Variants in SPTBN1 observed in about 807,000 individuals in gnomAD.
SPTBN1 encodes spectrin beta chain, non-erythrocytic 1.
In SPTBN1, 32 loss-of-function variants were observed where a neutral mutation model predicts 266.4. That is an observed-to-expected ratio of 0.12 (90% CI 0.09 to 0.16). The LOEUF (loss-of-function observed/expected upper bound fraction) is 0.16, where lower values mean the gene tolerates loss of function less well. Ranked by LOEUF, SPTBN1 falls within the 10% of genes least tolerant of loss-of-function variation. The pLI is 1.00. For synonymous variants in SPTBN1, 1,336 were observed against 1,162.2 expected (o/e 1.15, Z -3.04); for missense variants, 2,296 against 3,067.1 (o/e 0.75, Z 5.94).
intron 2 of SPTBN1, among the ~76,000 whole-genome samples, chr2:54,579,289 G>C (rs1674707968): frequency 6.6e-6 from 1 of 152,108 alleles, no homozygotes; most frequent in East Asian, 1.9e-4. Context: ...GCATCCCTCA[G>C]GTATGAGAAT....
At position 54,646,497 on chromosome 2, in the gene SPTBN1, C is replaced by T. The variant is rs1477878602; in HGVS notation, c.4866+22C>T. The T allele has an allele frequency of 2.0e-6, 3 of 1,478,298 alleles. No individual in the cohort carries two copies. The highest frequency in any genetic ancestry group is 4.7e-5 in the East Asian group (2 of 42,358). 91.6% of individuals were successfully genotyped at this position (1,478,298 alleles called of 1,614,324 possible). A position where few individuals can be genotyped will look rare whatever the true frequency, so the allele number is the denominator to read the frequency against. On this transcript the variant is annotated intron_variant, in intron 23 of 35. Transcript: ENST00000356805. This position sits in a 1 kb window ranked among gnomAD's most constrained non-coding sequence, Gnocchi z 4.4. ...CAAGGTGAGAGGAGGCGGGAAGCAT[C>T]CCTGTCCCAGGAGAGCCTCAGATTC...
rs1558770807 is a variant in SPTBN1, at chr2:54,487,830, G to GTTTTTTTTTTTTTTTTTTT, written c.-48+31313_-48+31314insTTTTTTTTTTTTTTTTTTT. ...AATTCACTTGATGGTCTCCTCCTGTGTCTTTTTTTTTTTTTTTGAGACGGA... is the reference window on the plus strand; with the variant it reads ...AATTCACTTGATGGTCTCCTCCTGTGTTTTTTTTTTTTTTTTTTTTCTTTTTTTTTTTTTTTGAGACGGA... On this transcript the variant is annotated intron_variant, in intron 1 of 35. Coordinates refer to ENST00000356805, the MANE Select transcript of SPTBN1 (RefSeq NM_003128.3). Among the ~76,000 whole-genome samples, 30 of 5,924 alleles carry GTTTTTTTTTTTTTTTTTTT rather than the reference G, an allele frequency of 5.1e-3. 2 individuals carry two copies. The highest frequency in any genetic ancestry group is 0.018 in the South Asian group (2 of 110). 3.9% of individuals were successfully genotyped at this position (5,924 alleles called of 152,430 possible). A position where few individuals can be genotyped will look rare whatever the true frequency, so the allele number is the denominator to read the frequency against.
At position 54,578,749 on chromosome 2, in the gene SPTBN1, GGTGT is replaced by G. The variant is rs34536803; in HGVS notation, c.149-20317_149-20314del. 3.8e-3 allele frequency among the ~76,000 whole-genome samples: 565 copies of G among 147,590 alleles called. 6 individuals carry two copies. The South Asian group carries it at 0.042, about 11-fold the overall frequency. ...GGCCTAGGCAAGTGTCTTCTGATGGGGTGTGTGTGTGTGTGTGTGTGTGTGTGTG... is the reference window on the plus strand; with the variant it reads ...GGCCTAGGCAAGTGTCTTCTGATGGGGTGTGTGTGTGTGTGTGTGTGTGTG... On this transcript the variant is annotated intron_variant, in intron 2 of 35. Coordinates refer to ENST00000356805, the MANE Select transcript of SPTBN1 (RefSeq NM_003128.3).
intron 29 of SPTBN1, among the ~76,000 whole-genome samples, chr2:54,656,732 G>T (rs1361149058): frequency 6.6e-6 from 1 of 152,170 alleles, no homozygotes; most frequent in Non-Finnish European, 1.5e-5. Context: ...TGAGAGGTTT[G>T]ACGGCACACT....
rs540020484 is a variant in SPTBN1, at chr2:54,658,848, A to G, written c.6244-306A>G. On this transcript the variant is annotated intron_variant, in intron 30 of 35. Transcript: ENST00000356805. ...CCAGCATGAACCCTCAGGCTCAGGTACTTTTCTCCTCAGCAGAGTTGAGAG... is the reference window on the plus strand; with the variant it reads ...CCAGCATGAACCCTCAGGCTCAGGTGCTTTTCTCCTCAGCAGAGTTGAGAG... 5.9e-5 allele frequency among the ~76,000 whole-genome samples: 9 copies of G among 152,264 alleles called. No individual in the cohort carries two copies. In the South Asian group the frequency reaches 1.9e-3, roughly 32 times the overall value.
intron 2 of SPTBN1, among the ~76,000 whole-genome samples, chr2:54,578,632 C>T (rs1674653826): frequency 6.6e-6 from 1 of 152,110 alleles, no homozygotes; most frequent in Non-Finnish European, 1.5e-5. Flanking sequence ...TGATTTTGTT[C>T]CCATTCATTA....
rs1460705419 is a variant in SPTBN1, at chr2:54,533,931, C to T, written c.148+7365C>T. On this transcript the variant is annotated intron_variant, in intron 2 of 35. Transcript: ENST00000356805. This position sits in a 1 kb window ranked among gnomAD's most constrained non-coding sequence, Gnocchi z 4.2. ...ACACACACACACACACACACACGCA[C>T]GCACGCACACAAACACACACACCCC... Among the ~76,000 whole-genome samples the T allele has an allele frequency of 5.4e-5, 8 of 149,126 alleles. No homozygotes were observed. The highest frequency in any genetic ancestry group is 2.4e-4 in the East Asian group (1 of 4,166).
intron 26 of SPTBN1, among the ~76,000 whole-genome samples, chr2:54,652,199 A>ATG (rs1277169837): frequency 6.6e-6 from 1 of 152,320 alleles, no homozygotes; most frequent in African/African-American, 2.4e-5. Context: ...GGCACTACTG[A>ATG]TGTTACATAC....
At chr2:54,522,677 A>AGAGAGG (rs1553439421) in intron 1 of SPTBN1, among the ~76,000 whole-genome samples, 98 of 67,300 alleles carry the variant, frequency 1.5e-3, no homozygotes, top group Admixed American at 2.5e-3. Flanking sequence ...AGAGAGAGAG[A>AGAGAGG]GGAGAGAGAG....
chr2:54,476,688 A>T (rs1297373053), intron 1 of SPTBN1, among the ~76,000 whole-genome samples: 2 of 152,156 alleles, frequency 1.3e-5, no homozygotes, highest in Non-Finnish European at 2.9e-5. Flanking sequence ...AATTTGTCTA[A>T]CTTGTTCTCA....
chr2:54,648,715 G>A (rs543024757), intron 24 of SPTBN1, among the ~76,000 whole-genome samples: 37 of 152,308 alleles, frequency 2.4e-4, no homozygotes, highest in African/African-American at 7.9e-4. Context: ...CACTGCAGCA[G>A]AATGAGGCAC....
chr2:54,542,876 G>A (rs961508327), intron 2 of SPTBN1, among the ~76,000 whole-genome samples: 6 of 152,202 alleles, frequency 3.9e-5, no homozygotes, highest in African/African-American at 1.4e-4. Context: ...AGGGTCGTGA[G>A]GTATTTTGGT....
chr2:54,459,759 C>T (rs1252225281), intron 1 of SPTBN1, among the ~76,000 whole-genome samples: 1 of 152,142 alleles, frequency 6.6e-6, no homozygotes, highest in Non-Finnish European at 1.5e-5. Context: ...GGGCTAACTA[C>T]CCCTGTTAGA....
At position 54,647,150 on chromosome 2, in the gene SPTBN1, C is replaced by G; in HGVS notation, c.4886C>G (p.Ser1629Cys). The change falls in exon 24 of 36, where the codon TCC becomes TGC. Residue 1629 changes from serine (S) to cysteine (C), a missense_variant. Coordinates refer to ENST00000356805, the MANE Select transcript of SPTBN1 (RefSeq NM_003128.3). ...TTGCAGGATGAGCAGAGTGCTGTCT[C>G]CATGTTGAAGAAGCACCAGATCTTA... is the stretch of plus-strand genomic sequence containing the variant. ...EKAKDEQSAV[S>C]MLKKHQILEQ... The G allele has an allele frequency of 6.2e-7, 1 of 1,614,174 alleles. No homozygotes were observed. Among genetic ancestry groups the G allele is most frequent in the Non-Finnish European group, 8.5e-7 (1 of 1,180,028 alleles).
chr2:54,513,048 C>G (rs1224881817), intron 1 of SPTBN1, among the ~76,000 whole-genome samples: 1 of 152,128 alleles, frequency 6.6e-6, no homozygotes, highest in Non-Finnish European at 1.5e-5. Context: ...AAAAATTAGC[C>G]AGGCATGGTG....
At chr2:54,574,671 G>A (rs1164433364) in intron 2 of SPTBN1, among the ~76,000 whole-genome samples, 3 of 152,170 alleles carry the variant, frequency 2.0e-5, no homozygotes, top group Non-Finnish European at 2.9e-5. Flanking sequence ...TGTCAGGCAC[G>A]TGGGGAATCA....
At chr2:54,557,061 T>C (rs942693862) in intron 2 of SPTBN1, among the ~76,000 whole-genome samples, 1 of 152,240 alleles carries the variant, frequency 6.6e-6, no homozygotes, top group Non-Finnish European at 1.5e-5. Context: ...AATGTTGTCT[T>C]CTTCAGGTTG....
chr2:54,506,402 G>A (rs1669556051), intron 1 of SPTBN1, among the ~76,000 whole-genome samples: 1 of 151,230 alleles, frequency 6.6e-6, no homozygotes, highest in Non-Finnish European at 1.5e-5. Context: ...AAATTCTCAT[G>A]TAAATATAAT....
intron 9 of SPTBN1, among the ~76,000 whole-genome samples, chr2:54,623,045 AT>A (rs1276142586): frequency 1.3e-5 from 2 of 152,288 alleles, no homozygotes; most frequent in African/African-American, 4.8e-5. Context: ...GACCTTATCT[AT>A]TGCTTACCAT....
Sources: gnomAD v4.1 joint callset for allele counts (sites outside exome capture counted in the v4.1 genomes callset) on GRCh38, gnomAD v4.1.1 for gene constraint, Gnocchi (gnomAD v3.1) non-coding constraint, MANE v1.5 for transcripts, NCBI Gene and HGNC (gene_info 2026-07-23, HGNC 2026-07-21) for gene names.